Variants in PFKP observed in about 807,000 individuals in gnomAD.
PFKP encodes the protein phosphofructokinase, platelet, also known as ATP-dependent 6-phosphofructokinase, platelet type.
A neutral mutation model predicts 94.3 loss-of-function variants in PFKP; 101 were observed. That is an observed-to-expected ratio of 1.07 (90% confidence interval 0.91 to 1.26). PFKP has a LOEUF of 1.26. Ranked by LOEUF, PFKP falls within the 50% of genes most tolerant of loss-of-function variation. The pLI is 0.00. For missense variants in PFKP, 1,145 were observed against 1,103.3 expected (o/e 1.04, Z -0.53); for synonymous variants, 573 against 432.6 (o/e 1.32, Z -4.03).
chr10:3,119,961 A>C lies in PFKP; in HGVS notation c.1600A>C (p.Met534Leu). The C allele has an allele frequency of 6.2e-7, 1 of 1,614,064 alleles. No homozygotes were observed. Among genetic ancestry groups the C allele is most frequent in the Non-Finnish European group, 8.5e-7 (1 of 1,179,986 alleles). Residue 534 changes from methionine (M) to leucine (L), a missense_variant, in exon 16 of 22, where the codon ATG (methionine) becomes CTG (leucine). By Grantham distance (15) the Met-to-Leu change is conservative. Around this residue, in one of 3 missense-constraint regions of PFKP, gnomAD observed 1,119 missense variants for 1,062.8 expected, o/e 1.05. Coordinates refer to ENST00000381125, the MANE Select transcript of PFKP (RefSeq NM_002627.5). ...KHEEFCVPMV[M>L]VPATVSNNVP... ...CGAGGAGTTCTGTGTCCCCATGGTC[A>C]TGGTTCCCGCTACTGTGTCCAACAA... is the stretch of plus-strand genomic sequence containing the variant.
At chr10:3,119,766 G>GGT in intron 15 of PFKP, 126 bp from the exon 16 acceptor site, 3 of 593,750 alleles carry the variant, frequency 5.1e-6, no homozygotes, top group East Asian at 3.0e-5. Context: ...ATCTCGGAGT[G>GGT]TTTTCGTGAT....
chr10:3,121,361 A>G (rs934489250), intron 16 of PFKP, among the ~76,000 whole-genome samples: 5 of 152,164 alleles, frequency 3.3e-5, no homozygotes, highest in African/African-American at 9.7e-5. Flanking sequence ...TCTTTCACAG[A>G]CTGGATTCCG....
At chr10:3,096,349 A>T (rs1261215958) in intron 2 of PFKP, among the ~76,000 whole-genome samples, 1 of 152,142 alleles carries the variant, frequency 6.6e-6, no homozygotes, top group African/African-American at 2.4e-5. Context: ...TGGCGGCCGG[A>T]ACTGGCACCT....
At chr10:3,109,183 G>A (rs1183710586) in intron 9 of PFKP, among the ~76,000 whole-genome samples, 172 bp from the exon 10 acceptor site, 2 of 152,188 alleles carry the variant, frequency 1.3e-5, no homozygotes, top group African/African-American at 2.4e-5. Context: ...CTCTGTTCCC[G>A]TCTTGCCAGT....
chr10:3,086,222 G>A (rs1588421964), intron 2 of PFKP, among the ~76,000 whole-genome samples: 1 of 152,220 alleles, frequency 6.6e-6, no homozygotes, highest in African/African-American at 2.4e-5. Context: ...TCCTGTTCCC[G>A]CGGCCCTGAC....
chr10:3,134,891 G>A (rs1564362844), intron 20 of PFKP, among the ~76,000 whole-genome samples: 3 of 152,204 alleles, frequency 2.0e-5, no homozygotes, highest in African/African-American at 7.2e-5. Flanking sequence ...CACAGTTTAA[G>A]TGGGGCCTTC....
intron 16 of PFKP, among the ~76,000 whole-genome samples, chr10:3,126,670 TCA>T (rs1466512896): frequency 6.6e-6 from 1 of 152,270 alleles, no homozygotes; most frequent in Non-Finnish European, 1.5e-5. Flanking sequence ...AAGGTGGTTC[TCA>T]CAGAGAAGTC....
Position 3,113,476 on chromosome 10 carries a change from G to T in PFKP, c.1329G>T (p.Met443Ile), listed in dbSNP as rs1325801236. 4 of 1,613,330 alleles carry T rather than the reference G, an allele frequency of 2.5e-6. No homozygotes were observed. Among genetic ancestry groups the T allele is most frequent in the Non-Finnish European group, 3.4e-6 (4 of 1,179,942 alleles). The change falls in exon 13 of 22, where the codon ATG becomes ATT. Residue 443 changes from methionine to isoleucine, a missense_variant. By Grantham distance (10) the Met-to-Ile change is conservative. Transcript: ENST00000381125. ...TGGGCATTGCCGACGGCCACAGGAT[G>T]CTCGCCATCTATGATGGCTTTGACG... ...VRVGIADGHR[M>I]LAIYDGFDGF...
At chr10:3,091,615 G>T (rs1588436328) in intron 2 of PFKP, among the ~76,000 whole-genome samples, 3 of 152,066 alleles carry the variant, frequency 2.0e-5, no homozygotes, top group Non-Finnish European at 2.9e-5. Flanking sequence ...AGGAGTTAAA[G>T]ACCAGCGCGG....
intron 2 of PFKP, among the ~76,000 whole-genome samples, chr10:3,097,507 TCTG>T (rs968223445): frequency 2.0e-5 from 3 of 152,042 alleles, no homozygotes; most frequent in African/African-American, 7.2e-5. Context: ...TAGAAGATGT[TCTG>T]CTGTTTTGCC....
chr10:3,133,440 G>A (rs1838841124), intron 19 of PFKP, 126 bp downstream of exon 19: 2 of 696,564 alleles, frequency 2.9e-6, no homozygotes, highest in South Asian at 3.2e-5. Context: ...AAAAACATCT[G>A]AACTTTTTGA....
chr10:3,103,829 G>T lies in PFKP; in HGVS notation c.505G>T (p.Gly169Cys). The T allele has an allele frequency of 6.2e-7, 1 of 1,614,032 alleles. No homozygotes were observed. The highest frequency in any genetic ancestry group is 8.5e-7 in the Non-Finnish European group (1 of 1,180,034). Residue 169 changes from glycine to cysteine, a missense_variant, in exon 5 of 22, where the codon GGC becomes TGC. By Grantham distance (159) the Gly-to-Cys change is radical. This residue lies in a region of PFKP where 1,119 missense variants were observed against 1,062.8 expected (regional missense o/e 1.05). Transcript: ENST00000381125. ...VQKYAYLNVV[G>C]MVGSIDNDFC... The stretch of plus-strand genomic sequence containing the variant: ...GAAGTACGCCTACCTCAACGTGGTG[G>T]GCATGGTGGGCTCCATCGACAATGA...
chr10:3,135,136 T>G (rs893616892), intron 20 of PFKP, among the ~76,000 whole-genome samples: 1 of 152,244 alleles, frequency 6.6e-6, no homozygotes, highest in Non-Finnish European at 1.5e-5. Flanking sequence ...GGCTCCAACA[T>G]GGCTGTTCCC....
At chr10:3,135,675 C>G in intron 20 of PFKP, 61 bp from the exon 21 acceptor site, 1 of 1,019,882 alleles carries the variant, frequency 9.8e-7, no homozygotes, top group Non-Finnish European at 1.5e-6. Flanking sequence ...CCCCGTGATT[C>G]TGCTCCCCCA....
intron 16 of PFKP, among the ~76,000 whole-genome samples, chr10:3,121,503 C>T (rs1349828765): frequency 2.0e-5 from 3 of 151,332 alleles, no homozygotes; most frequent in East Asian, 3.9e-4. Flanking sequence ...CCAGAGGGAA[C>T]GGGTGGAGAA....
chr10:3,067,798 G>A, intron 1 of PFKP, 91 bp downstream of exon 1: 1 of 576,494 alleles, frequency 1.7e-6, no homozygotes, highest in South Asian at 2.9e-5. Context: ...GGAGAGAAGA[G>A]GGGGGAAGCG....
intron 16 of PFKP, among the ~76,000 whole-genome samples, chr10:3,123,902 G>C (rs1837664545): frequency 6.6e-6 from 1 of 152,198 alleles, no homozygotes; most frequent in South Asian, 2.1e-4. Flanking sequence ...TGGAGGTGGA[G>C]GCTGTGCCAT....
chr10:3,117,256 C>T (rs915664016), intron 14 of PFKP, among the ~76,000 whole-genome samples: 7 of 152,082 alleles, frequency 4.6e-5, no homozygotes, highest in Non-Finnish European at 7.3e-5. Flanking sequence ...AGCTGTGACT[C>T]GAGGCTCAGA....
At chr10:3,089,690 A>G (rs956602131) in intron 2 of PFKP, among the ~76,000 whole-genome samples, 2 of 149,738 alleles carry the variant, frequency 1.3e-5, no homozygotes, top group African/African-American at 2.4e-5. Flanking sequence ...TATGAATTAT[A>G]TATGTATTAT....
Sources: gnomAD v4.1 joint callset for allele counts (sites outside exome capture counted in the v4.1 genomes callset) on GRCh38, gnomAD v4.1.1 for gene constraint, gnomAD v4.1.1 regional missense constraint, MANE v1.5 for transcripts, NCBI Gene and HGNC (gene_info 2026-07-23, HGNC 2026-07-21) for gene names.